Variants in FGF8 observed in about 807,000 individuals in gnomAD.
FGF8 encodes the protein fibroblast growth factor 8, also known as androgen-induced growth factor.
A neutral mutation model predicts 29.7 loss-of-function variants in FGF8; 12 were observed. That is an observed-to-expected ratio of 0.40 (90% CI 0.26 to 0.65). FGF8 has a LOEUF of 0.65. FGF8 is among the 30% of genes least tolerant of loss of function. The pLI is 0.37. For missense variants in FGF8, 271 were observed against 345.1 expected, an observed-to-expected ratio of 0.79 and a Z score of 1.70; for synonymous variants, 157 against 144.4, an observed-to-expected ratio of 1.09 and a Z score of -0.63.
At chr10:101,773,122 T>C (rs1436875089) in intron 4 of FGF8, among the ~76,000 whole-genome samples, 4 of 152,174 alleles carry the variant, frequency 2.6e-5, no homozygotes, top group African/African-American at 4.8e-5. Context: ...CCTCTGTTCT[T>C]AGGGCCTCCA....
intron 5 of FGF8, 56 bp from the exon 6 acceptor site, chr10:101,770,675 G>A (rs2065011465): frequency 9.4e-6 from 15 of 1,590,914 alleles, no homozygotes; most frequent in South Asian, 2.2e-5. Flanking sequence ...AGAGGCAGAG[G>A]GCGAGCGGCC....
rs900898140 is a variant in FGF8, at chr10:101,772,838, T to C, written c.338-1269A>G. ...CCCCAAGTCAGCAGGGAAATGCAGC[T>C]GTCACCTCCCTGCCTGCCCACCTCC... is the stretch of plus-strand genomic sequence containing the variant. On this transcript the variant is annotated intron_variant, in intron 4 of 5. Coordinates refer to ENST00000320185, the MANE Select transcript of FGF8 (RefSeq NM_033163.5). This position sits in a 1 kb window ranked among gnomAD's most constrained non-coding sequence, Gnocchi z 4.4. Among the ~76,000 whole-genome samples the C allele has an allele frequency of 5.9e-5, 9 of 152,256 alleles. No individual in the cohort carries two copies. In the East Asian group the frequency reaches 1.7e-3, roughly 29 times the overall value.
At chr10:101,773,517 G>A (rs2065050584) in intron 4 of FGF8, among the ~76,000 whole-genome samples, 1 of 151,592 alleles carries the variant, frequency 6.6e-6, no homozygotes, top group South Asian at 2.1e-4. Flanking sequence ...GGGGAGCTGG[G>A]GCCGCAGTTT....
chr10:101,775,132 G>C lies in FGF8; in HGVS notation c.154C>G (p.Gln52Glu). The C allele has an allele frequency of 1.3e-6, 2 of 1,548,630 alleles. No individual in the cohort carries two copies. The highest frequency in any genetic ancestry group is 2.3e-4 in the Middle Eastern group (1 of 4,404). ...AGREPQGVSQ[Q>E]VTVQSSPNFT... ...CCCCAGGGAGAAGCTGGACCCACCT[G>C]TTGGGAGACACCCTGGGGCTCCCGG... Residue 52 changes from glutamine (Q) to glutamate (E), a missense_variant and splice_region_variant, in exon 3 of 6, where the codon CAG (glutamine) becomes GAG (glutamate). By Grantham distance (29) the Gln-to-Glu change is conservative. This residue lies in a region of FGF8 where 168 missense variants were observed against 207.0 expected (regional missense o/e 0.81). Transcript: ENST00000320185. The surrounding 1 kb of genome is among the most constrained non-coding windows in gnomAD (Gnocchi z 4.6).
At position 101,772,764 on chromosome 10, in the gene FGF8, G is replaced by A. The variant is rs1301063086; in HGVS notation, c.338-1195C>T. Among the ~76,000 whole-genome samples, 1 of 152,072 alleles carries A rather than the reference G, an allele frequency of 6.6e-6. No individual in the cohort carries two copies. The highest frequency in any genetic ancestry group is 1.5e-5 in the Non-Finnish European group (1 of 68,028). On this transcript the variant is annotated intron_variant, in intron 4 of 5. Coordinates refer to ENST00000320185, the MANE Select transcript of FGF8 (RefSeq NM_033163.5). The surrounding 1 kb of genome is among the most constrained non-coding windows in gnomAD (Gnocchi z 4.4). ...CACTGCTCAGCTTGTAATGTTCCCC[G>A]CTTCACACAGGCTCAGTGCTGGGAC...
In FGF8 at chr10:101,771,381, C is replaced by T; in HGVS notation, c.444+82G>A. 9.6e-7 allele frequency: 1 copy of T among 1,039,248 alleles called. No individual in the cohort carries two copies. Among genetic ancestry groups the T allele is most frequent in the Non-Finnish European group, 1.5e-6 (1 of 660,210 alleles). The allele number at this position is 1,039,248 out of a possible 1,614,324, so 64.4% of individuals were successfully genotyped here. A position where few individuals can be genotyped will look rare whatever the true frequency, so the allele number is the denominator to read the frequency against. On this transcript the variant is annotated intron_variant, in intron 5 of 5. Coordinates refer to ENST00000320185, the MANE Select transcript of FGF8 (RefSeq NM_033163.5). This position sits in a 1 kb window ranked among gnomAD's most constrained non-coding sequence, Gnocchi z 5.3. ...TCTGCCTACCTTGTTGGGATCAGAG[C>T]CCAGGACTGTCTTGGAGGAGTCCAG...
upstream of FGF8, among the ~76,000 whole-genome samples, chr10:101,778,153 G>A (rs944504557): frequency 9.2e-5 from 14 of 152,364 alleles, no homozygotes; most frequent in African/African-American, 3.4e-4. Flanking sequence ...AGGCCCTCAA[G>A]CATGTTTAGT....
At chr10:101,776,582 C>T (rs1263635712), upstream of FGF8, among the ~76,000 whole-genome samples, 1 of 152,058 alleles carries the variant, frequency 6.6e-6, no homozygotes, top group Non-Finnish European at 1.5e-5. Context: ...CCGCTTCCGC[C>T]GCCGGCTACG....
In FGF8 at chr10:101,775,262, C is replaced by A; in HGVS notation, c.70-46G>T. 1.5e-6 allele frequency: 2 copies of A among 1,300,428 alleles called. No individual in the cohort carries two copies. Among genetic ancestry groups the A allele is most frequent in the Non-Finnish European group, 1.1e-6 (1 of 924,924 alleles). The allele number at this position is 1,300,428 out of a possible 1,614,324, so 80.6% of individuals were successfully genotyped here. A position where few individuals can be genotyped will look rare whatever the true frequency, so the allele number is the denominator to read the frequency against. On this transcript the variant is annotated intron_variant, in intron 2 of 5. Transcript: ENST00000320185. This position sits in a 1 kb window ranked among gnomAD's most constrained non-coding sequence, Gnocchi z 4.6. Reference sequence around the variant, plus strand: ...TAAGTAGGGAGGCAGCCCTCCCCGACCCCTGACATTTATAAAGACAAATTT... The same window carrying A: ...TAAGTAGGGAGGCAGCCCTCCCCGAACCCTGACATTTATAAAGACAAATTT...
At chr10:101,779,854 C>A (rs1321713798), upstream of FGF8, among the ~76,000 whole-genome samples, 1 of 152,228 alleles carries the variant, frequency 6.6e-6, no homozygotes, top group Non-Finnish European at 1.5e-5. This position sits in a 1 kb window ranked among gnomAD's most constrained non-coding sequence, Gnocchi z 5.7. Context: ...CAGACTTCCC[C>A]ACTCCAACTC....
In FGF8 at chr10:101,771,503, A is replaced by G; in HGVS notation, c.404T>C (p.Leu135Pro). ...CCCCTTCTTGTTCATGCAGATGTAG[A>G]GGCCCGTCTCGGCTCCTCGGACTCG... ...RVRVRGAETG[L>P]YICMNKKGKL... is the part of the protein sequence containing the mutation. Residue 135 changes from leucine to proline, a missense_variant, in exon 5 of 6, where the codon CTC (leucine) becomes CCC (proline). Physicochemically the swap from Leu to Pro is moderately conservative, Grantham distance 98. This residue lies in a region of FGF8 where 168 missense variants were observed against 207.0 expected (regional missense o/e 0.81). Coordinates refer to ENST00000320185, the MANE Select transcript of FGF8 (RefSeq NM_033163.5). This position sits in a 1 kb window ranked among gnomAD's most constrained non-coding sequence, Gnocchi z 5.3. The G allele has an allele frequency of 6.2e-7, 1 of 1,614,182 alleles. No individual in the cohort carries two copies. The highest frequency in any genetic ancestry group is 8.5e-7 in the Non-Finnish European group (1 of 1,180,024).
upstream of FGF8, among the ~76,000 whole-genome samples, chr10:101,778,269 A>T (rs2065114071): frequency 6.6e-6 from 1 of 152,232 alleles, no homozygotes; most frequent in Non-Finnish European, 1.5e-5. Context: ...TCAGTGAGAT[A>T]AGCAGAGCAG....
At position 101,771,866 on chromosome 10, in the gene FGF8, CT is replaced by C. The variant is rs1169493485; in HGVS notation, c.338-298del. ...GCTGAAGTGCCATTCCTTCCACCCT[CT>C]TTTTAAACCAGACAGTGATGTCTCT... On this transcript the variant is annotated intron_variant, in intron 4 of 5. Coordinates refer to ENST00000320185, the MANE Select transcript of FGF8 (RefSeq NM_033163.5). The surrounding 1 kb of genome is among the most constrained non-coding windows in gnomAD (Gnocchi z 5.3). Among the ~76,000 whole-genome samples, 5 of 152,230 alleles carry C rather than the reference CT, an allele frequency of 3.3e-5. No individual in the cohort carries two copies. Among genetic ancestry groups the C allele is most frequent in the Non-Finnish European group, 5.9e-5 (4 of 68,042 alleles).
At chr10:101,776,854 CCACA>C (rs71016347), upstream of FGF8, among the ~76,000 whole-genome samples, 26,954 of 123,712 alleles carry the variant, frequency 0.22, 3,091 homozygotes, top group Non-Finnish European at 0.28. Context: ...GTGCCCCTCA[CCACA>C]CACACACACA....
intron 4 of FGF8, among the ~76,000 whole-genome samples, chr10:101,773,868 A>G (rs1284746215): frequency 6.6e-6 from 1 of 152,204 alleles, no homozygotes; most frequent in Admixed American, 6.5e-5. Flanking sequence ...CACATCTGAA[A>G]AAAAGCTCGT....
rs759549803 is a variant in FGF8 at position 101,770,542 on chromosome 10, C to G, written c.522G>C (p.Lys174Asn). 1.9e-6 allele frequency: 3 copies of G among 1,613,446 alleles called. No individual in the cohort carries two copies. In the African/African-American group the frequency reaches 4.0e-5, roughly 22 times the overall value. Residue 174 changes from lysine to asparagine, a missense_variant, in exon 6 of 6, where the codon AAG becomes AAC. Physicochemically the swap from Lys to Asn is moderately conservative, Grantham distance 94 (BLOSUM62 0). Transcript: ENST00000320185. ...TGAAGGCCATGTACCAGCCCTCGTA[C>G]TTGGCATTCTGCAGCGCTGTGTAGT... is the stretch of plus-strand genomic sequence containing the variant. The part of the protein sequence containing the change: ...ENNYTALQNA[K>N]YEGWYMAFTR...
rs1457882486 is a variant in FGF8, at chr10:101,775,082, G to A, written c.156+48C>T. 2 of 1,526,448 alleles carry A rather than the reference G, an allele frequency of 1.3e-6. No homozygotes were observed. The highest frequency in any genetic ancestry group is 1.4e-5 in the African/African-American group (1 of 72,638). 94.6% of individuals were successfully genotyped at this position (1,526,448 alleles called of 1,614,324 possible). Reference sequence around the variant, plus strand: ...ACCATCCCCCACCCACGCAAGTCGGGCAGACCCAGCCCAGGATGAACGAGC... The same window carrying A: ...ACCATCCCCCACCCACGCAAGTCGGACAGACCCAGCCCAGGATGAACGAGC... On this transcript the variant is annotated intron_variant, in intron 3 of 5. Transcript: ENST00000320185. This position sits in a 1 kb window ranked among gnomAD's most constrained non-coding sequence, Gnocchi z 4.6.
upstream of FGF8, among the ~76,000 whole-genome samples, chr10:101,777,647 C>G (rs949730326): frequency 2.6e-5 from 4 of 152,264 alleles, no homozygotes; most frequent in Non-Finnish European, 5.9e-5. Flanking sequence ...GGAGTCTGTT[C>G]AGTGGGCTCT....
rs2065042291 is a variant in FGF8, at chr10:101,772,795, G to C, written c.338-1226C>G. On this transcript the variant is annotated intron_variant, in intron 4 of 5. Transcript: ENST00000320185. The surrounding 1 kb of genome is among the most constrained non-coding windows in gnomAD (Gnocchi z 4.4). ...CACAGGCTCAGTGCTGGGACCAGTGGCCAAGCCCCCGGTTTGGCCCCAAGT... is the reference window on the plus strand; with the variant it reads ...CACAGGCTCAGTGCTGGGACCAGTGCCCAAGCCCCCGGTTTGGCCCCAAGT... Among the ~76,000 whole-genome samples, 1 of 152,124 alleles carries C rather than the reference G, an allele frequency of 6.6e-6. No homozygotes were observed. Among genetic ancestry groups the C allele is most frequent in the African/African-American group, 2.4e-5 (1 of 41,434 alleles).
Sources: allele counts gnomAD v4.1 joint callset (sites outside exome capture counted in the v4.1 genomes callset), GRCh38; gene constraint gnomAD v4.1.1; regional missense constraint gnomAD v4.1.1; non-coding constraint Gnocchi (gnomAD v3.1); transcripts MANE v1.5; gene names NCBI Gene and HGNC (gene_info 2026-07-23, HGNC 2026-07-21).